Variants in ADAMTS2 observed in about 807,000 individuals in gnomAD.
The protein encoded by ADAMTS2 is A disintegrin and metalloproteinase with thrombospondin motifs 2.
ADAMTS2 carries 50 observed loss-of-function variants against 123.0 expected under a neutral mutation model. The observed-to-expected ratio is 0.41, with a 90% CI of 0.32 to 0.51. The LOEUF (loss-of-function observed/expected upper bound fraction) is 0.51, where lower values mean the gene tolerates loss of function less well. Ranked by LOEUF, ADAMTS2 falls within the 20% of genes least tolerant of loss-of-function variation. ADAMTS2 has a pLI of 0.35. For missense variants in ADAMTS2, 1,494 were observed against 1,705.2 expected (o/e 0.88, Z 2.18); for synonymous variants, 678 against 695.4 (o/e 0.98, Z 0.39).
Position 179,272,988 on chromosome 5 carries a change from T to C in ADAMTS2, c.611A>G (p.Glu204Gly). The C allele has an allele frequency of 6.2e-7, 1 of 1,612,958 alleles. No individual in the cohort carries two copies. The highest frequency in any genetic ancestry group is 1.1e-5 in the South Asian group (1 of 91,062). ...ATACACCACATGCACACGGCCTTGC[T>C]CAGCCTCCTGCGCCGCCAGCCCCTT... is the stretch of plus-strand genomic sequence containing the variant. ...LEKGLAAQEA[E>G]QGRVHVVYRR... The change falls in exon 3 of 22, where the codon GAG (glutamate) becomes GGG (glycine). Residue 204 changes from glutamate (E) to glycine (G), a missense_variant. By Grantham distance (98) the Glu-to-Gly change is moderately conservative. Coordinates refer to ENST00000251582, the MANE Select transcript of ADAMTS2 (RefSeq NM_014244.5). This position sits in a 1 kb window ranked among gnomAD's most constrained non-coding sequence, Gnocchi z 5.8.
At chr5:179,291,533 G>A (rs1350375140) in intron 2 of ADAMTS2, among the ~76,000 whole-genome samples, 1 of 152,154 alleles carries the variant, frequency 6.6e-6, no homozygotes, top group Non-Finnish European at 1.5e-5. Flanking sequence ...TCTGCAGAGG[G>A]ATGGAATGCC....
At chr5:179,292,219 C>G (rs572885105) in intron 2 of ADAMTS2, among the ~76,000 whole-genome samples, 1 of 151,900 alleles carries the variant, frequency 6.6e-6, no homozygotes, top group Admixed American at 6.6e-5. Context: ...AGGAGAAATG[C>G]CACAACCAGC....
Position 179,278,397 on chromosome 5 carries a change from ATT to A in ADAMTS2, c.535-5335_535-5334del, listed in dbSNP as rs964240480. On this transcript the variant is annotated intron_variant, in intron 2 of 21. Coordinates refer to ENST00000251582, the MANE Select transcript of ADAMTS2 (RefSeq NM_014244.5). Reference sequence around the variant, plus strand: ...CAAAATGTGAGCTATGTTTTGCTGCATTTTTTTCCGGGACTTTGATTTTCCTG... The same window carrying A: ...CAAAATGTGAGCTATGTTTTGCTGCATTTTTCCGGGACTTTGATTTTCCTG... Among the ~76,000 whole-genome samples the A allele has an allele frequency of 2.6e-5, 4 of 152,096 alleles. No homozygotes were observed. In the South Asian group the frequency reaches 8.3e-4, roughly 32 times the overall value.
Position 179,345,354 on chromosome 5 carries a change from C to G in ADAMTS2, c.-26G>C, listed in dbSNP as rs1304353865. On this transcript the variant is annotated 5_prime_UTR_variant, in exon 1 of 22. Transcript: ENST00000251582. This position sits in a 1 kb window ranked among gnomAD's most constrained non-coding sequence, Gnocchi z 7.5. ...GGCAGCCGGACTGCAGCCGGGGCCCCGCACTCGCAGCCGGCGCGAAAGTTC... is the reference window on the plus strand; with the variant it reads ...GGCAGCCGGACTGCAGCCGGGGCCCGGCACTCGCAGCCGGCGCGAAAGTTC... 3.5e-6 allele frequency: 4 copies of G among 1,130,580 alleles called. No individual in the cohort carries two copies. The highest frequency in any genetic ancestry group is 4.3e-6 in the Non-Finnish European group (4 of 923,128). 70.0% of individuals were successfully genotyped at this position (1,130,580 alleles called of 1,614,324 possible).
intron 3 of ADAMTS2, among the ~76,000 whole-genome samples, chr5:179,215,598 T>A (rs1347546426): frequency 1.3e-5 from 2 of 152,032 alleles, no homozygotes; most frequent in African/African-American, 2.4e-5. Context: ...TTAAAAAAAA[T>A]TTAAAGTCAC....
chr5:179,180,650 C>T lies in ADAMTS2; in HGVS notation c.975+422G>A, dbSNP rs763963554. On this transcript the variant is annotated intron_variant, in intron 5 of 21. Coordinates refer to ENST00000251582, the MANE Select transcript of ADAMTS2 (RefSeq NM_014244.5). The surrounding 1 kb of genome is among the most constrained non-coding windows in gnomAD (Gnocchi z 4.6). ...ATTACCCAGAAAACTAACTCAGGACCGCTCCACTCCCCAGAGCCCACTGGA... is the reference window on the plus strand; with the variant it reads ...ATTACCCAGAAAACTAACTCAGGACTGCTCCACTCCCCAGAGCCCACTGGA... 2.0e-5 allele frequency among the ~76,000 whole-genome samples: 3 copies of T among 152,276 alleles called. No individual in the cohort carries two copies. Among genetic ancestry groups the T allele is most frequent in the Non-Finnish European group, 2.9e-5 (2 of 68,034 alleles).
At chr5:179,259,529 A>C (rs1367472018) in intron 3 of ADAMTS2, among the ~76,000 whole-genome samples, 1 of 152,226 alleles carries the variant, frequency 6.6e-6, no homozygotes, top group Non-Finnish European at 1.5e-5. Flanking sequence ...CGCAGGGAAC[A>C]GTGGCCAAGG....
At chr5:179,207,211 G>A (rs773990870) in intron 4 of ADAMTS2, among the ~76,000 whole-genome samples, 1 of 152,114 alleles carries the variant, frequency 6.6e-6, no homozygotes, top group Non-Finnish European at 1.5e-5. Flanking sequence ...TTCAAATGAC[G>A]GGACATTGAA....
At chr5:179,300,670 T>C (rs1158377308) in intron 2 of ADAMTS2, among the ~76,000 whole-genome samples, 2 of 152,268 alleles carry the variant, frequency 1.3e-5, no homozygotes, top group African/African-American at 4.8e-5. Flanking sequence ...TTAGCAGACG[T>C]TTCTCAAAGT....
chr5:179,196,305 G>A lies in ADAMTS2; in HGVS notation c.891+11208C>T, dbSNP rs549141026. On this transcript the variant is annotated intron_variant, in intron 4 of 21. Coordinates refer to ENST00000251582, the MANE Select transcript of ADAMTS2 (RefSeq NM_014244.5). ...ACAGAGAATGTTCTCGTGCTGGGAG[G>A]GGTCAAAGGTTATAGCCGCGACTGA... Among the ~76,000 whole-genome samples the A allele has an allele frequency of 3.5e-4, 53 of 152,296 alleles. 1 individual carries two copies. The South Asian group carries it at 0.011, about 30-fold the overall frequency.
chr5:179,264,487 C>G (rs1331678876), intron 3 of ADAMTS2, among the ~76,000 whole-genome samples: 1 of 151,156 alleles, frequency 6.6e-6, no homozygotes, highest in African/African-American at 2.4e-5. Context: ...GCATGCCCAG[C>G]CCACAGTTGC....
At chr5:179,222,757 G>T (rs528155295) in intron 3 of ADAMTS2, among the ~76,000 whole-genome samples, 15 of 152,326 alleles carry the variant, frequency 9.8e-5, no homozygotes, top group African/African-American at 3.6e-4. Context: ...TGCCTGCCCT[G>T]CAGAGGTGAC....
chr5:179,161,167 C>A (rs1423190740), intron 5 of ADAMTS2, among the ~76,000 whole-genome samples: 1 of 152,202 alleles, frequency 6.6e-6, no homozygotes, highest in African/African-American at 2.4e-5. Flanking sequence ...CTGACCCCTG[C>A]AGCTCATCTC....
At chr5:179,284,368 T>C (rs555049731) in intron 2 of ADAMTS2, among the ~76,000 whole-genome samples, 1 of 151,924 alleles carries the variant, frequency 6.6e-6, no homozygotes, top group African/African-American at 2.4e-5. Flanking sequence ...ACAAAAACAA[T>C]AAATGGTCAG....
At chr5:179,310,864 C>T (rs531877595) in intron 2 of ADAMTS2, among the ~76,000 whole-genome samples, 1 of 152,166 alleles carries the variant, frequency 6.6e-6, no homozygotes, top group African/African-American at 2.4e-5. Flanking sequence ...CACCCCAGAC[C>T]ATGGCCAAAC....
intron 3 of ADAMTS2, among the ~76,000 whole-genome samples, chr5:179,219,868 C>G (rs1765083593): frequency 6.6e-6 from 1 of 152,350 alleles, no homozygotes; most frequent in Non-Finnish European, 1.5e-5. Context: ...ACTACCGAGG[C>G]TCCTCTGCAC....
At chr5:179,278,485 T>C (rs1430042969) in intron 2 of ADAMTS2, among the ~76,000 whole-genome samples, 2 of 152,028 alleles carry the variant, frequency 1.3e-5, no homozygotes, top group Non-Finnish European at 2.9e-5. Flanking sequence ...ATCAGTTTCC[T>C]CTCCCCACTC....
At chr5:179,173,114 A>C (rs1337015123) in intron 5 of ADAMTS2, among the ~76,000 whole-genome samples, 1 of 151,544 alleles carries the variant, frequency 6.6e-6, no homozygotes, top group African/African-American at 2.4e-5. Flanking sequence ...TGGGAGGCCG[A>C]GATGAGAGGA....
Position 179,217,314 on chromosome 5 carries a change from G to A in ADAMTS2, c.689-9599C>T, listed in dbSNP as rs557052644. 4.6e-5 allele frequency among the ~76,000 whole-genome samples: 7 copies of A among 152,292 alleles called. No individual in the cohort carries two copies. In the East Asian group the frequency reaches 1.2e-3, roughly 25 times the overall value. ...TTACATAAATTATGGATACACAGACGCAAGACAGCAACACTCATGTTGCAA... is the reference window on the plus strand; with the variant it reads ...TTACATAAATTATGGATACACAGACACAAGACAGCAACACTCATGTTGCAA... On this transcript the variant is annotated intron_variant, in intron 3 of 21. Coordinates refer to ENST00000251582, the MANE Select transcript of ADAMTS2 (RefSeq NM_014244.5).
Sources: allele counts gnomAD v4.1 joint callset (sites outside exome capture counted in the v4.1 genomes callset), GRCh38; gene constraint gnomAD v4.1.1; non-coding constraint Gnocchi (gnomAD v3.1); transcripts MANE v1.5; gene names NCBI Gene and HGNC (gene_info 2026-07-23, HGNC 2026-07-21).